Variants in RTN1 observed in about 807,000 individuals in gnomAD.
RTN1 encodes the protein reticulon-1.
RTN1 carries 25 observed loss-of-function variants against 65.5 expected under a neutral mutation model. The observed-to-expected ratio is 0.38, with a 90% CI of 0.28 to 0.53. RTN1 has a LOEUF of 0.53. RTN1 is among the 20% of genes least tolerant of loss of function. RTN1 has a pLI of 0.79. For missense variants in RTN1, 983 were observed against 1,025.4 expected (o/e 0.96, Z 0.57); for synonymous variants, 471 against 447.6 (o/e 1.05, Z -0.66).
At chr14:59,837,595 T>C (rs1439686785) in intron 1 of RTN1, among the ~76,000 whole-genome samples, 5 of 151,946 alleles carry the variant, frequency 3.3e-5, no homozygotes, top group Non-Finnish European at 4.4e-5. Flanking sequence ...AACACTCCAA[T>C]AGAAATCCAA....
chr14:59,742,745 G>T (rs1885139201), intron 2 of RTN1, among the ~76,000 whole-genome samples: 1 of 152,048 alleles, frequency 6.6e-6, no homozygotes, highest in Non-Finnish European at 1.5e-5. Context: ...AGAATTATGT[G>T]CAGTTCTCAA....
At chr14:59,710,422 T>C (rs1884393982) in intron 3 of RTN1, among the ~76,000 whole-genome samples, 1 of 152,186 alleles carries the variant, frequency 6.6e-6, no homozygotes, top group Non-Finnish European at 1.5e-5. Flanking sequence ...CAGTCCCTTT[T>C]AAAGAGAAGT....
intron 1 of RTN1, among the ~76,000 whole-genome samples, chr14:59,795,783 T>A (rs1886428278): frequency 6.6e-6 from 1 of 152,210 alleles, no homozygotes. Context: ...TATATACATG[T>A]AATTGTTGCT....
At chr14:59,670,170 G>A (rs1031501536) in intron 3 of RTN1, among the ~76,000 whole-genome samples, 7 of 152,204 alleles carry the variant, frequency 4.6e-5, no homozygotes, top group African/African-American at 1.7e-4. Context: ...CAATAGTGTA[G>A]TGAGATAGTG....
intron 3 of RTN1, among the ~76,000 whole-genome samples, chr14:59,648,864 T>C (rs1293409843): frequency 6.6e-6 from 1 of 152,176 alleles, no homozygotes; most frequent in African/African-American, 2.4e-5. Context: ...GCATTCCCCC[T>C]GAAAACTGGC....
intron 3 of RTN1, among the ~76,000 whole-genome samples, chr14:59,690,878 A>T (rs188305203): frequency 9.3e-4 from 141 of 152,232 alleles, no homozygotes; most frequent in Non-Finnish European, 1.7e-3. Flanking sequence ...AAGAAAAAAA[A>T]TTTTTGAAAT....
intron 1 of RTN1, among the ~76,000 whole-genome samples, chr14:59,756,178 T>A (rs978831212): frequency 6.6e-6 from 1 of 152,164 alleles, no homozygotes; most frequent in African/African-American, 2.4e-5. Flanking sequence ...TAAGATGAAA[T>A]GATGGTGAAA....
chr14:59,727,333 A>G lies in RTN1; in HGVS notation c.1351T>C (p.Tyr451His). Residue 451 changes from tyrosine (Y) to histidine (H), a missense_variant, in exon 3 of 9, where the codon TAC becomes CAC. Tyr to His is a moderately conservative substitution (Grantham distance 83). Around this residue, in one of 2 missense-constraint regions of RTN1, gnomAD observed 818 missense variants for 801.8 expected, o/e 1.02. Transcript: ENST00000267484. This position sits in a 1 kb window ranked among gnomAD's most constrained non-coding sequence, Gnocchi z 4.2. ...PPSPASPSIQYSILREEREAE... is the reference protein window; with the variant it reads ...PPSPASPSIQHSILREEREAE... The stretch of plus-strand genomic sequence containing the variant: ...TCGCGCTCCTCCCTCAGGATGCTGT[A>G]CTGGATGGATGGCGAGGCGGGCGAG... The G allele has an allele frequency of 1.3e-6, 2 of 1,518,218 alleles. No individual in the cohort carries two copies. Among genetic ancestry groups the G allele is most frequent in the Non-Finnish European group, 1.8e-6 (2 of 1,131,672 alleles). 94.0% of individuals were successfully genotyped at this position (1,518,218 alleles called of 1,614,324 possible).
chr14:59,843,680 G>A (rs1887355225), intron 1 of RTN1, among the ~76,000 whole-genome samples: 1 of 152,180 alleles, frequency 6.6e-6, no homozygotes, highest in South Asian at 2.1e-4. Context: ...TTGTGAAAGA[G>A]TGGGAGAAAT....
intron 1 of RTN1, among the ~76,000 whole-genome samples, chr14:59,759,935 T>A (rs192794630): frequency 6.6e-6 from 1 of 152,284 alleles, no homozygotes; most frequent in East Asian, 1.9e-4. Flanking sequence ...ATAACCCCAA[T>A]GGGAGGCAAT....
At chr14:59,630,634 C>T (rs1882524974) in intron 3 of RTN1, 1 of 1,374,198 alleles carries the variant, frequency 7.3e-7, no homozygotes, top group African/African-American at 1.5e-5. Flanking sequence ...GAGGCTGCAC[C>T]AGGCGGCGCG....
chr14:59,607,687 AC>A (rs1457075143), intron 3 of RTN1, 195 bp from the exon 4 acceptor site: 1 of 599,762 alleles, frequency 1.7e-6, no homozygotes, highest in Non-Finnish European at 3.0e-6. Flanking sequence ...AATCTTTTCC[AC>A]CCTTGAGGAT....
chr14:59,730,636 A>G (rs189433326), intron 2 of RTN1, among the ~76,000 whole-genome samples: 2 of 152,222 alleles, frequency 1.3e-5, no homozygotes, highest in African/African-American at 2.4e-5. Flanking sequence ...AGAATATATG[A>G]CAAACTATTA....
chr14:59,792,514 A>T (rs752176231), intron 1 of RTN1, among the ~76,000 whole-genome samples: 5 of 152,102 alleles, frequency 3.3e-5, no homozygotes, highest in African/African-American at 7.2e-5. Flanking sequence ...GTTTATTTTT[A>T]AAAATGCCAA....
intron 1 of RTN1, among the ~76,000 whole-genome samples, chr14:59,750,261 A>C (rs1316590889): frequency 3.9e-5 from 3 of 77,040 alleles, no homozygotes; most frequent in African/African-American, 1.1e-4. Flanking sequence ...TATATAATAT[A>C]TATAATATCT....
intron 1 of RTN1, among the ~76,000 whole-genome samples, chr14:59,810,367 G>A (rs1886707462): frequency 6.6e-6 from 1 of 152,134 alleles, no homozygotes; most frequent in East Asian, 1.9e-4. Flanking sequence ...TCTATTGCCT[G>A]CATATTATTT....
chr14:59,768,762 A>G (rs1017455486), intron 1 of RTN1, among the ~76,000 whole-genome samples: 2 of 152,200 alleles, frequency 1.3e-5, no homozygotes, highest in African/African-American at 4.8e-5. Flanking sequence ...AAGGATGACA[A>G]TAGCTACATT....
rs1348420711 is a variant in RTN1 at position 59,774,131 on chromosome 14, T to C, written c.242-27650A>G. Reference sequence around the variant, plus strand: ...TCTGTAGTGGACTGACAGTTCCACTTACATGAAAGAGATGCTTTAAGTAGC... The same window carrying C: ...TCTGTAGTGGACTGACAGTTCCACTCACATGAAAGAGATGCTTTAAGTAGC... On this transcript the variant is annotated intron_variant, in intron 1 of 8. Coordinates refer to ENST00000267484, the MANE Select transcript of RTN1 (RefSeq NM_021136.3). The surrounding 1 kb of genome is among the most constrained non-coding windows in gnomAD (Gnocchi z 5.1). Among the ~76,000 whole-genome samples the C allele has an allele frequency of 6.6e-6, 1 of 152,194 alleles. No homozygotes were observed. Among genetic ancestry groups the C allele is most frequent in the Non-Finnish European group, 1.5e-5 (1 of 68,030 alleles).
At chr14:59,607,731 T>C in intron 3 of RTN1, 1 of 526,106 alleles carries the variant, frequency 1.9e-6, no homozygotes, top group Non-Finnish European at 3.4e-6. Flanking sequence ...AAAAGACTAT[T>C]GAATCTCCAT....
Sources: allele counts gnomAD v4.1 joint callset (sites outside exome capture counted in the v4.1 genomes callset), GRCh38; gene constraint gnomAD v4.1.1; regional missense constraint gnomAD v4.1.1; non-coding constraint Gnocchi (gnomAD v3.1); transcripts MANE v1.5; gene names NCBI Gene and HGNC (gene_info 2026-07-23, HGNC 2026-07-21).